Variants in SCFD2 observed in about 807,000 individuals in gnomAD.
SCFD2 encodes sec1 family domain-containing protein 2.
Under a neutral mutation model 58.9 loss-of-function variants are expected in SCFD2, and 54 were observed. The observed-to-expected ratio is 0.92, with a 90% CI of 0.74 to 1.15. SCFD2 has a LOEUF of 1.15. Among genes scored for constraint, SCFD2 ranks in the 50% most tolerant of loss-of-function variants. SCFD2 has a pLI of 0.00. For missense variants in SCFD2, 805 were observed against 836.6 expected (o/e 0.96, Z 0.47); for synonymous variants, 321 against 335.9 (o/e 0.96, Z 0.49).
At chr4:53,253,683 G>T (rs1050773055) in intron 4 of SCFD2, among the ~76,000 whole-genome samples, 9 of 138,932 alleles carry the variant, frequency 6.5e-5, no homozygotes, top group African/African-American at 2.4e-4. Flanking sequence ...GATGGGAATT[G>T]AACAATGAGA....
chr4:53,120,473 A>G (rs1725448642), intron 5 of SCFD2, among the ~76,000 whole-genome samples: 1 of 152,240 alleles, frequency 6.6e-6, no homozygotes, highest in Admixed American at 6.5e-5. Flanking sequence ...CTGTCAATCT[A>G]TGAAGCCCTA....
chr4:53,031,618 C>T (rs1186482934), intron 5 of SCFD2, among the ~76,000 whole-genome samples: 6 of 152,100 alleles, frequency 3.9e-5, no homozygotes, highest in Non-Finnish European at 8.8e-5. Context: ...AAAAACACAG[C>T]ACGAGAACTT....
intron 2 of SCFD2, among the ~76,000 whole-genome samples, chr4:53,326,932 A>G (rs756279425): frequency 6.6e-6 from 1 of 152,128 alleles, no homozygotes. Context: ...GAATGAGGCT[A>G]TAAGTAGGTA....
chr4:53,038,759 T>C (rs1459997469), intron 5 of SCFD2, among the ~76,000 whole-genome samples: 1 of 151,726 alleles, frequency 6.6e-6, no homozygotes, highest in Non-Finnish European at 1.5e-5. Flanking sequence ...TGTGATCACA[T>C]CTCACTGCAG....
At chr4:53,278,450 G>C (rs1021730229) in intron 3 of SCFD2, among the ~76,000 whole-genome samples, 1 of 151,656 alleles carries the variant, frequency 6.6e-6, no homozygotes, top group Non-Finnish European at 1.5e-5. Context: ...GCTGAGGCAG[G>C]AGAATCACTT....
intron 2 of SCFD2, among the ~76,000 whole-genome samples, chr4:53,349,212 T>C (rs1734144791): frequency 6.6e-6 from 1 of 152,210 alleles, no homozygotes; most frequent in African/African-American, 2.4e-5. Flanking sequence ...TTAGGAGTCA[T>C]TTAGGCCAAT....
chr4:53,300,078 G>T (rs1412593525), intron 3 of SCFD2, among the ~76,000 whole-genome samples: 1 of 152,138 alleles, frequency 6.6e-6, no homozygotes, highest in Admixed American at 6.5e-5. Flanking sequence ...ATAATGACAG[G>T]ATCAAATTCA....
chr4:52,985,896 G>T (rs1267244162), intron 5 of SCFD2, among the ~76,000 whole-genome samples: 2 of 152,022 alleles, frequency 1.3e-5, no homozygotes, highest in Non-Finnish European at 2.9e-5. Flanking sequence ...ACACCAAAGA[G>T]AATGGGTAGA....
At chr4:53,079,253 T>A (rs1038665527) in intron 5 of SCFD2, among the ~76,000 whole-genome samples, 1 of 152,158 alleles carries the variant, frequency 6.6e-6, no homozygotes, top group Non-Finnish European at 1.5e-5. Context: ...GGGCAGAAGA[T>A]GGATGTCCCA....
At chr4:52,953,596 A>G (rs1720649631) in intron 5 of SCFD2, among the ~76,000 whole-genome samples, 1 of 152,208 alleles carries the variant, frequency 6.6e-6, no homozygotes, top group African/African-American at 2.4e-5. Context: ...TTCCTTATTC[A>G]GGAGACAGGG....
At chr4:53,099,107 T>G (rs1335632897) in intron 5 of SCFD2, among the ~76,000 whole-genome samples, 1 of 152,210 alleles carries the variant, frequency 6.6e-6, no homozygotes, top group African/African-American at 2.4e-5. Context: ...AAACTGTTTG[T>G]TAAGTGAATG....
At chr4:53,269,769 G>A (rs991534281) in intron 4 of SCFD2, among the ~76,000 whole-genome samples, 27 of 152,348 alleles carry the variant, frequency 1.8e-4, no homozygotes, top group Admixed American at 1.3e-3. Context: ...GCTCATGCCT[G>A]TAATCCCAAC....
chr4:53,333,147 C>A (rs1349223492), intron 2 of SCFD2, among the ~76,000 whole-genome samples: 4 of 126,836 alleles, frequency 3.2e-5, no homozygotes, highest in African/African-American at 1.2e-4. Context: ...TAGGAAGAAT[C>A]AATATCATGA....
intron 5 of SCFD2, among the ~76,000 whole-genome samples, chr4:53,121,983 T>A (rs1300286772): frequency 6.6e-6 from 1 of 152,166 alleles, no homozygotes; most frequent in African/African-American, 2.4e-5. Flanking sequence ...GCTGCCATCA[T>A]CACATCACAT....
At chr4:53,058,343 A>ATTACT (rs1281519056) in intron 5 of SCFD2, among the ~76,000 whole-genome samples, 3 of 152,148 alleles carry the variant, frequency 2.0e-5, no homozygotes, top group Non-Finnish European at 2.9e-5. Context: ...ATAGTTAGTA[A>ATTACT]AACAAAAGTA....
intron 5 of SCFD2, among the ~76,000 whole-genome samples, chr4:52,924,655 C>T (rs1451265819): frequency 1.3e-5 from 2 of 152,152 alleles, no homozygotes; most frequent in Non-Finnish European, 2.9e-5. Context: ...AAGCATTTTT[C>T]ATAATCACAT....
chr4:52,958,180 A>G (rs1720754798), intron 5 of SCFD2: 1 of 152,246 alleles, frequency 6.6e-6, no homozygotes, highest in Middle Eastern at 3.2e-3. Flanking sequence ...GGAAGCAAAA[A>G]CAAAGACACT....
rs1718406476 is a variant in SCFD2 at position 52,873,859 on chromosome 4, T to C, written c.*110A>G. 1.4e-6 allele frequency: 1 copy of C among 731,154 alleles called. No individual in the cohort carries two copies. Among genetic ancestry groups the C allele is most frequent in the South Asian group, 1.7e-5 (1 of 60,378 alleles). The allele number at this position is 731,154 out of a possible 1,614,324, so 45.3% of individuals were successfully genotyped here. A position where few individuals can be genotyped will look rare whatever the true frequency, so the allele number is the denominator to read the frequency against. On this transcript the variant is annotated 3_prime_UTR_variant, in exon 9 of 9. Transcript: ENST00000401642. ...AGACCCTTCAGGCAGAATTCCATCA[T>C]TCTCGCAATTAGTGACAGGGACGCT...
At chr4:53,336,330 C>CGAAT (rs1030668000) in intron 2 of SCFD2, among the ~76,000 whole-genome samples, 20 of 152,142 alleles carry the variant, frequency 1.3e-4, no homozygotes, top group African/African-American at 4.6e-4. Flanking sequence ...TTCTATTTAT[C>CGAAT]GAATGATGGC....
Sources: gnomAD v4.1 joint callset for allele counts (sites outside exome capture counted in the v4.1 genomes callset) on GRCh38, gnomAD v4.1.1 for gene constraint, MANE v1.5 for transcripts, NCBI Gene and HGNC (gene_info 2026-07-23, HGNC 2026-07-21) for gene names.